GLDC: variants seen among roughly 807,000 people sequenced by gnomAD.
GLDC encodes the protein glycine decarboxylase.
Under a neutral mutation model 121.3 loss-of-function variants are expected in GLDC, and 104 were observed. The observed-to-expected ratio is 0.86, with a 90% CI of 0.73 to 1.01. The LOEUF is 1.01. Among genes scored for constraint, GLDC ranks in the 50% least tolerant of loss-of-function variants. The pLI is 0.00. For synonymous variants in GLDC, 546 were observed against 480.6 expected (o/e 1.14, Z -1.78); for missense variants, 1,429 against 1,306.6 (o/e 1.09, Z -1.44).
At chr9:6,635,185 T>C (rs1181621219) in intron 2 of GLDC, among the ~76,000 whole-genome samples, 1 of 152,250 alleles carries the variant, frequency 6.6e-6, no homozygotes, top group Non-Finnish European at 1.5e-5. Flanking sequence ...TAGCTGGGGA[T>C]ATCTTTATCA....
chr9:6,619,931 G>C (rs933208627), intron 3 of GLDC, among the ~76,000 whole-genome samples: 3 of 152,216 alleles, frequency 2.0e-5, no homozygotes, highest in Non-Finnish European at 4.4e-5. Context: ...AAGAGGAAGA[G>C]ATGACCAGAT....
intron 3 of GLDC, among the ~76,000 whole-genome samples, chr9:6,617,543 A>G (rs892374026): frequency 1.4e-4 from 22 of 152,238 alleles, no homozygotes; most frequent in Non-Finnish European, 3.1e-4. Flanking sequence ...ATTTTTACCA[A>G]TACCACAATG....
At chr9:6,605,382 C>T (rs544779441) in intron 5 of GLDC, 104 bp from the exon 6 acceptor site, 5 of 1,202,984 alleles carry the variant, frequency 4.2e-6, no homozygotes, top group East Asian at 5.1e-5. Flanking sequence ...TGTGCCCTCC[C>T]ACAGTGGCCT....
chr9:6,541,292 T>A (rs1337061792), intron 21 of GLDC: 1 of 152,104 alleles, frequency 6.6e-6, no homozygotes, highest in African/African-American at 2.4e-5. Flanking sequence ...CCTCCGGGGC[T>A]TCCCAAATTC....
At chr9:6,624,558 A>G (rs1819191897) in intron 2 of GLDC, among the ~76,000 whole-genome samples, 1 of 152,174 alleles carries the variant, frequency 6.6e-6, no homozygotes, top group African/African-American at 2.4e-5. Flanking sequence ...GGGAGTGAAC[A>G]GGTTCCTGTT....
intron 3 of GLDC, among the ~76,000 whole-genome samples, chr9:6,611,481 G>A (rs563440355): frequency 1.4e-4 from 22 of 151,960 alleles, no homozygotes; most frequent in East Asian, 9.7e-4. Context: ...GCTTGAACCC[G>A]CGGGGCGGAG....
At chr9:6,559,244 G>T (rs149121814) in intron 16 of GLDC, among the ~76,000 whole-genome samples, 1 of 152,220 alleles carries the variant, frequency 6.6e-6, no homozygotes, top group Non-Finnish European at 1.5e-5. Flanking sequence ...GCCAGGTGCA[G>T]TGGCTCACGC....
chr9:6,634,952 C>T (rs1313994636), intron 2 of GLDC, among the ~76,000 whole-genome samples: 1 of 152,130 alleles, frequency 6.6e-6, no homozygotes, highest in East Asian at 1.9e-4. Context: ...AAAATAAATC[C>T]CTTTTGGCTC....
chr9:6,600,624 T>C (rs1359762963), intron 8 of GLDC, among the ~76,000 whole-genome samples: 1 of 151,074 alleles, frequency 6.6e-6, no homozygotes, highest in African/African-American at 2.4e-5. Context: ...GAGCCAAGAT[T>C]GCGCCACCCC....
At chr9:6,606,757 G>GT in intron 4 of GLDC, 88 bp from the exon 5 acceptor site, 1 of 831,136 alleles carries the variant, frequency 1.2e-6, no homozygotes, top group South Asian at 1.3e-5. Context: ...AGTACCGAGG[G>GT]TAAGTCTAAG....
At chr9:6,558,345 T>A in intron 17 of GLDC, 1 of 678,774 alleles carries the variant, frequency 1.5e-6, no homozygotes, top group Non-Finnish European at 2.6e-6. Flanking sequence ...CCACCATGAA[T>A]AATTCATTCA....
intron 23 of GLDC, chr9:6,535,857 T>G (rs1817115635): frequency 1.7e-6 from 1 of 601,690 alleles, no homozygotes; most frequent in Non-Finnish European, 3.0e-6. Flanking sequence ...GTGGACAGCT[T>G]CCACAACCAC....
chr9:6,550,827 T>C lies in GLDC; in HGVS notation c.2545A>G (p.Arg849Gly), dbSNP rs778000679. 1.1e-5 allele frequency: 18 copies of C among 1,612,580 alleles called. No homozygotes were observed. The highest frequency in any genetic ancestry group is 1.7e-4 in the Middle Eastern group (1 of 6,060). ...CCTCTTGCACCCCTGAAAAGAATTC[T>C]GTAGTGTGTTTCTAATCGCTTGGCC... is the stretch of plus-strand genomic sequence containing the variant. ...YMAKRLETHY[R>G]ILFRGARGYV... The change falls in exon 21 of 25, where the codon AGA becomes GGA. Residue 849 changes from arginine to glycine, a missense_variant. Arg to Gly is a moderately radical substitution (Grantham distance 125). Coordinates refer to ENST00000321612, the MANE Select transcript of GLDC (RefSeq NM_000170.3).
At position 6,534,690 on chromosome 9, in the gene GLDC, C is replaced by T. The variant is rs1434270251; in HGVS notation, c.2919+18G>A. Reference sequence around the variant, plus strand: ...CCCATGCCTTCCCAGCTGGCACATTCAGATTCAGAGAACTTACGAGTGGGA... The same window carrying T: ...CCCATGCCTTCCCAGCTGGCACATTTAGATTCAGAGAACTTACGAGTGGGA... On this transcript the variant is annotated intron_variant, in intron 24 of 24. Transcript: ENST00000321612. The T allele has an allele frequency of 7.0e-7, 1 of 1,420,018 alleles. No individual in the cohort carries two copies. Among genetic ancestry groups the T allele is most frequent in the Non-Finnish European group, 1.0e-6 (1 of 1,003,508 alleles). 88.0% of individuals were successfully genotyped at this position (1,420,018 alleles called of 1,614,324 possible). A position where few individuals can be genotyped will look rare whatever the true frequency, so the allele number is the denominator to read the frequency against.
intron 6 of GLDC, 102 bp downstream of exon 6, chr9:6,605,029 G>T: frequency 8.4e-7 from 1 of 1,184,198 alleles, no homozygotes; most frequent in Non-Finnish European, 1.3e-6. Flanking sequence ...TGTGATAATG[G>T]TAAAGAAATT....
At chr9:6,559,281 G>A (rs1189930263) in intron 16 of GLDC, among the ~76,000 whole-genome samples, 6 of 152,172 alleles carry the variant, frequency 3.9e-5, no homozygotes, top group Middle Eastern at 3.4e-3. Flanking sequence ...TTGGGAGGCC[G>A]AGGCGGGTGG....
chr9:6,553,668 T>C (rs1261653913), intron 19 of GLDC, among the ~76,000 whole-genome samples, 159 bp from the exon 20 acceptor site: 1 of 152,102 alleles, frequency 6.6e-6, no homozygotes, highest in Non-Finnish European at 1.5e-5. Flanking sequence ...CAGGAAGCGA[T>C]CCTTCCTTCC....
chr9:6,581,526 T>C (rs575969633), intron 15 of GLDC, among the ~76,000 whole-genome samples: 63 of 152,334 alleles, frequency 4.1e-4, no homozygotes, highest in Non-Finnish European at 2.4e-4. Context: ...GTTACCAGCA[T>C]TCAGGGCCAA....
At chr9:6,583,159 T>G (rs1442747879) in intron 15 of GLDC, among the ~76,000 whole-genome samples, 1 of 152,030 alleles carries the variant, frequency 6.6e-6, no homozygotes, top group Non-Finnish European at 1.5e-5. Flanking sequence ...AGTACGGCGA[T>G]TCCTCAAAAA....
Sources: gnomAD v4.1 joint callset for allele counts (sites outside exome capture counted in the v4.1 genomes callset) on GRCh38, gnomAD v4.1.1 for gene constraint, MANE v1.5 for transcripts, NCBI Gene and HGNC (gene_info 2026-07-23, HGNC 2026-07-21) for gene names.